Variants in UBR1 observed in about 807,000 individuals in gnomAD.
UBR1 encodes ubiquitin protein ligase E3 component n-recognin 1, also known as E3 ubiquitin-protein ligase UBR1.
Under a neutral mutation model 242.1 loss-of-function variants are expected in UBR1, and 102 were observed. That is an observed-to-expected ratio of 0.42 (90% CI 0.36 to 0.50). The LOEUF (loss-of-function observed/expected upper bound fraction) is 0.50. UBR1 is among the 20% of genes least tolerant of loss of function. The pLI is 0.01. For synonymous variants in UBR1, 675 were observed against 684.8 expected, an observed-to-expected ratio of 0.99 and a Z score of 0.22; for missense variants, 1,772 against 2,101.8, an observed-to-expected ratio of 0.84 and a Z score of 3.07.
chr15:42,962,343 G>A (rs2032036837), intron 42 of UBR1, among the ~76,000 whole-genome samples: 1 of 152,096 alleles, frequency 6.6e-6, no homozygotes, highest in African/African-American at 2.4e-5. Flanking sequence ...AGGAAACAGC[G>A]GTATCATGGA....
rs759290276 is a variant in UBR1, at chr15:42,945,474, T to C, written c.5109-4A>G. The C allele has an allele frequency of 1.2e-6, 2 of 1,613,974 alleles. No homozygotes were observed. The highest frequency in any genetic ancestry group is 1.7e-6 in the Non-Finnish European group (2 of 1,179,978). ...TAAATGAAGGGGGTTGCCCCTCCTT[T>C]AGGGAAAAAAGAAAAAACAACATGT... On this transcript the variant is annotated splice_region_variant and splice_polypyrimidine_tract_variant and intron_variant, in intron 46 of 46. Coordinates refer to ENST00000290650, the MANE Select transcript of UBR1 (RefSeq NM_174916.3).
At chr15:43,093,595 A>G (rs1163514585) in intron 1 of UBR1, among the ~76,000 whole-genome samples, 2 of 152,144 alleles carry the variant, frequency 1.3e-5, no homozygotes, top group Non-Finnish European at 2.9e-5. Context: ...AGCGTAGGCA[A>G]CATGGTAAAA....
At chr15:42,947,192 A>G (rs1596070838) in intron 46 of UBR1, among the ~76,000 whole-genome samples, 1 of 152,334 alleles carries the variant, frequency 6.6e-6, no homozygotes, top group East Asian at 1.9e-4. Flanking sequence ...TATCTCTAAA[A>G]CAAACTTCAT....
intron 23 of UBR1, 47 bp downstream of exon 23, chr15:43,026,514 G>C: frequency 6.5e-7 from 1 of 1,532,400 alleles, no homozygotes; most frequent in Non-Finnish European, 9.0e-7. Flanking sequence ...GAGTTAGAAA[G>C]CATAAAGCAT....
intron 44 of UBR1, among the ~76,000 whole-genome samples, chr15:42,957,134 T>C (rs997439707): frequency 3.3e-5 from 5 of 152,172 alleles, no homozygotes; most frequent in African/African-American, 9.7e-5. Context: ...AATGCCCATC[T>C]ATGGATGAAG....
intron 23 of UBR1, chr15:43,026,142 G>C (rs751901796): frequency 1.3e-4 from 25 of 185,566 alleles, no homozygotes; most frequent in Non-Finnish European, 2.6e-4. Context: ...TGGGGCAGGA[G>C]AATCACTTGA....
At chr15:43,053,401 T>A (rs1427761982) in intron 12 of UBR1, among the ~76,000 whole-genome samples, 1 of 152,188 alleles carries the variant, frequency 6.6e-6, no homozygotes, top group Non-Finnish European at 1.5e-5. Context: ...TAGAGAGATT[T>A]TTTTCTATAT....
chr15:42,966,339 T>A (rs533064069), intron 40 of UBR1, 53 bp from the exon 41 acceptor site: 16 of 1,607,112 alleles, frequency 1.0e-5, no homozygotes, highest in Middle Eastern at 1.7e-4. Context: ...ACTAAAGCCC[T>A]AGATTTAAAC....
chr15:43,051,389 T>C (rs891565273), intron 12 of UBR1, among the ~76,000 whole-genome samples: 1 of 151,956 alleles, frequency 6.6e-6, no homozygotes. Context: ...CATGGACACA[T>C]AGAGGGGAAC....
intron 1 of UBR1, among the ~76,000 whole-genome samples, chr15:43,101,194 G>A (rs1252012934): frequency 1.3e-5 from 2 of 152,180 alleles, no homozygotes; most frequent in East Asian, 3.9e-4. Flanking sequence ...GCTGGACCAG[G>A]CAAAGTCTTG....
intron 41 of UBR1, among the ~76,000 whole-genome samples, chr15:42,964,900 G>A (rs2032080934): frequency 6.6e-6 from 1 of 152,088 alleles, no homozygotes; most frequent in African/African-American, 2.4e-5. Flanking sequence ...TCCCCACTCT[G>A]GCCCCAATAC....
At chr15:43,043,841 G>C (rs1401535408) in intron 14 of UBR1, among the ~76,000 whole-genome samples, 1 of 151,980 alleles carries the variant, frequency 6.6e-6, no homozygotes. Context: ...CAAACTTGTA[G>C]GAAACATAAG....
At chr15:43,028,944 G>A (rs1472197157) in intron 21 of UBR1, among the ~76,000 whole-genome samples, 1 of 151,966 alleles carries the variant, frequency 6.6e-6, no homozygotes, top group East Asian at 1.9e-4. Flanking sequence ...AACTAGCCGG[G>A]TGTGGTGGCG....
chr15:42,998,299 T>G (rs778864096), intron 32 of UBR1, 34 bp from the exon 33 acceptor site: 9 of 1,569,904 alleles, frequency 5.7e-6, no homozygotes. Flanking sequence ...ATTACAACCA[T>G]GGGTACAAAG....
chr15:43,093,344 T>C (rs564106877), intron 1 of UBR1, among the ~76,000 whole-genome samples: 1 of 152,318 alleles, frequency 6.6e-6, no homozygotes, highest in East Asian at 1.9e-4. Flanking sequence ...GTTTTTCTAA[T>C]TCTTCTTTTT....
Position 43,067,879 on chromosome 15 carries a change from T to C in UBR1, c.798+19A>G. 6.2e-6 allele frequency: 10 copies of C among 1,613,656 alleles called. No homozygotes were observed. Among genetic ancestry groups the C allele is most frequent in the Non-Finnish European group, 8.5e-6 (10 of 1,179,854 alleles). On this transcript the variant is annotated intron_variant, in intron 6 of 46. Transcript: ENST00000290650. ...AGCTGACAGAAAACAGAAACGCAAT[T>C]CAAAAGGAGACCACAAACCTCTTTG...
chr15:43,007,896 C>A (rs948300604), intron 29 of UBR1, among the ~76,000 whole-genome samples: 7 of 152,158 alleles, frequency 4.6e-5, no homozygotes, highest in Non-Finnish European at 2.9e-5. Context: ...GGTTTCTATT[C>A]TATTTTGGTC....
Position 42,964,027 on chromosome 15 carries a change from C to A in UBR1, c.4608G>T (p.Glu1536Asp). 6.2e-7 allele frequency: 1 copy of A among 1,612,084 alleles called. No homozygotes were observed. The highest frequency in any genetic ancestry group is 8.5e-7 in the Non-Finnish European group (1 of 1,178,300). The change falls in exon 42 of 47, where the codon GAG becomes GAT. Residue 1536 changes from glutamate (E) to aspartate (D), a missense_variant. Glu to Asp is a conservative substitution (Grantham distance 45). This residue lies in a region of UBR1 where 965 missense variants were observed against 1,079.7 expected (regional missense o/e 0.89). Coordinates refer to ENST00000290650, the MANE Select transcript of UBR1 (RefSeq NM_174916.3). ...ATAGATAGCTACAGAGTGCACTGTA[C>A]TCTCCTTCTGCAGAATCTGCAAGAG... The part of the protein sequence containing the change: ...EELHTNSAEG[E>D]YSALCSYLSL...
In UBR1 at chr15:43,003,906, T is replaced by A; in HGVS notation, c.3440A>T (p.Asp1147Val). Reference sequence around the variant, plus strand: ...ATAAGTTCCATATGCCAAGTCTGGATCCATGAAAAGTGGGTCTAGGGCTTC... The same window carrying A: ...ATAAGTTCCATATGCCAAGTCTGGAACCATGAAAAGTGGGTCTAGGGCTTC... ...SGEALDPLFMDPDLAYGTYTG... is the reference protein window; with the variant it reads ...SGEALDPLFMVPDLAYGTYTG... Residue 1147 changes from aspartate (D) to valine (V), a missense_variant, in exon 31 of 47, where the codon GAT (aspartate) becomes GTT (valine). Asp to Val is a radical substitution (Grantham distance 152, BLOSUM62 -3). Coordinates refer to ENST00000290650, the MANE Select transcript of UBR1 (RefSeq NM_174916.3). 7 of 1,614,088 alleles carry A rather than the reference T, an allele frequency of 4.3e-6. No homozygotes were observed. Among genetic ancestry groups the A allele is most frequent in the Non-Finnish European group, 4.2e-6 (5 of 1,179,998 alleles).
Sources: allele counts gnomAD v4.1 joint callset (sites outside exome capture counted in the v4.1 genomes callset), GRCh38; gene constraint gnomAD v4.1.1; regional missense constraint gnomAD v4.1.1; transcripts MANE v1.5; gene names NCBI Gene and HGNC (gene_info 2026-07-23, HGNC 2026-07-21).